The following SFMBT2 variants were observed in gnomAD, a reference collection of about 807,000 sequenced individuals.
SFMBT2 encodes scm-like with four MBT domains protein 2.
A neutral mutation model predicts 110.1 loss-of-function variants in SFMBT2; 38 were observed. That is an observed-to-expected ratio of 0.35 (90% confidence interval 0.27 to 0.45). The LOEUF is 0.45. Ranked by LOEUF, SFMBT2 falls within the 20% of genes least tolerant of loss-of-function variation. The pLI, the probability that SFMBT2 is intolerant of heterozygous loss-of-function variation, is 1.00. For missense variants in SFMBT2, 1,011 were observed against 1,094.9 expected (o/e 0.92, Z 1.08); for synonymous variants, 425 against 425.4 (o/e 1.00, Z 0.01).
intron 7 of SFMBT2, among the ~76,000 whole-genome samples, chr10:7,255,234 C>A (rs1027539872): frequency 1.4e-4 from 21 of 152,206 alleles, no homozygotes; most frequent in Middle Eastern, 3.4e-3. Flanking sequence ...TTCGCCAAAC[C>A]GATTATGTAC....
chr10:7,172,260 C>T lies in SFMBT2; in HGVS notation c.2152-102G>A. The T allele has an allele frequency of 6.8e-7, 1 of 1,467,676 alleles. No homozygotes were observed. The highest frequency in any genetic ancestry group is 9.0e-7 in the Non-Finnish European group (1 of 1,111,904). The allele number at this position is 1,467,676 out of a possible 1,614,324, so 90.9% of individuals were successfully genotyped here. ...GCCCAGTGCAGACCACCTAGCAAACCCTCGGAAATGGAGCCAGTGGTCCCA... is the reference window on the plus strand; with the variant it reads ...GCCCAGTGCAGACCACCTAGCAAACTCTCGGAAATGGAGCCAGTGGTCCCA... On this transcript the variant is annotated intron_variant, in intron 18 of 20. Coordinates refer to ENST00000397167, the MANE Select transcript of SFMBT2 (RefSeq NM_001387889.1). This position sits in a 1 kb window ranked among gnomAD's most constrained non-coding sequence, Gnocchi z 4.6.
At chr10:7,203,005 G>T (rs990975585) in intron 12 of SFMBT2, 2 of 985,332 alleles carry the variant, frequency 2.0e-6, no homozygotes, top group South Asian at 9.4e-5. Context: ...AAATACGCCT[G>T]GTCAAATATT....
At chr10:7,287,767 G>T (rs1453952386) in intron 4 of SFMBT2, among the ~76,000 whole-genome samples, 2 of 152,214 alleles carry the variant, frequency 1.3e-5, no homozygotes, top group African/African-American at 2.4e-5. Flanking sequence ...TAAAGCAGTG[G>T]AATTACTACA....
intron 9 of SFMBT2, chr10:7,241,382 C>A (rs940390284): frequency 2.1e-6 from 2 of 956,400 alleles, no homozygotes; most frequent in Non-Finnish European, 2.5e-6. Context: ...TACTAGCCAC[C>A]ATTACTCAAT....
At chr10:7,304,917 G>A (rs1368351937) in intron 4 of SFMBT2, among the ~76,000 whole-genome samples, 1 of 152,190 alleles carries the variant, frequency 6.6e-6, no homozygotes, top group Non-Finnish European at 1.5e-5. Flanking sequence ...CAGGACAGTT[G>A]CACCCCTGGG....
intron 15 of SFMBT2, among the ~76,000 whole-genome samples, chr10:7,191,916 T>G (rs1838611391): frequency 6.6e-6 from 1 of 152,218 alleles, no homozygotes; most frequent in African/African-American, 2.4e-5. Flanking sequence ...TCTACATGAA[T>G]GGAGGCTCAG....
intron 4 of SFMBT2, among the ~76,000 whole-genome samples, chr10:7,316,444 G>GC (rs1017996673): frequency 2.4e-4 from 36 of 152,278 alleles, no homozygotes; most frequent in Admixed American, 6.5e-4. Context: ...TCAGTGATGG[G>GC]CCCCGCCAGG....
chr10:7,246,086 A>C, intron 8 of SFMBT2: 1 of 926,784 alleles, frequency 1.1e-6, no homozygotes. Context: ...TAGGTTCTAA[A>C]AGACAGATGC....
intron 1 of SFMBT2, among the ~76,000 whole-genome samples, chr10:7,394,224 C>G (rs1292452501): frequency 6.6e-6 from 1 of 152,100 alleles, no homozygotes; most frequent in East Asian, 1.9e-4. Context: ...AGCAATCCAC[C>G]CACCAGCACG....
At chr10:7,360,792 C>T (rs1002692092) in intron 4 of SFMBT2, among the ~76,000 whole-genome samples, 29 of 152,200 alleles carry the variant, frequency 1.9e-4, no homozygotes, top group Non-Finnish European at 2.8e-4. Flanking sequence ...CACAGACTCT[C>T]TACTTGATCA....
intron 6 of SFMBT2, among the ~76,000 whole-genome samples, chr10:7,278,773 A>G (rs1283367690): frequency 6.6e-6 from 1 of 152,152 alleles, no homozygotes; most frequent in Non-Finnish European, 1.5e-5. Context: ...TGGTCTCTGA[A>G]TGGGGGAGGG....
intron 4 of SFMBT2, among the ~76,000 whole-genome samples, chr10:7,305,806 C>T (rs1842676518): frequency 6.6e-6 from 1 of 152,246 alleles, no homozygotes. Context: ...CCAATTTCTG[C>T]ACGTTTTGTG....
At chr10:7,397,196 G>A (rs1845950591) in intron 1 of SFMBT2, among the ~76,000 whole-genome samples, 1 of 152,052 alleles carries the variant, frequency 6.6e-6, no homozygotes, top group Non-Finnish European at 1.5e-5. Context: ...GTCCCCCCAG[G>A]CTCACTGCTG....
chr10:7,403,086 T>C (rs142809144), intron 1 of SFMBT2, among the ~76,000 whole-genome samples: 160 of 152,354 alleles, frequency 1.1e-3, no homozygotes, highest in African/African-American at 3.6e-3. Flanking sequence ...GTAAACAACA[T>C]TGTGTCCTAA....
intron 4 of SFMBT2, among the ~76,000 whole-genome samples, chr10:7,344,673 T>G (rs1340314638): frequency 2.0e-5 from 3 of 152,082 alleles, no homozygotes; most frequent in Non-Finnish European, 4.4e-5. Context: ...TCCCTATTTT[T>G]TAAGAGCTAT....
chr10:7,234,217 C>A (rs908037064), intron 9 of SFMBT2, among the ~76,000 whole-genome samples: 2 of 151,926 alleles, frequency 1.3e-5, no homozygotes, highest in Non-Finnish European at 2.9e-5. Flanking sequence ...AGGAAAAAAA[C>A]AAACAAACAA....
intron 7 of SFMBT2, among the ~76,000 whole-genome samples, chr10:7,250,074 G>C (rs2131736664): frequency 6.6e-6 from 1 of 152,320 alleles, no homozygotes; most frequent in East Asian, 1.9e-4. Context: ...ATTAGGTGCA[G>C]GTGATGATGT....
chr10:7,273,336 A>G (rs1841661434), intron 7 of SFMBT2, among the ~76,000 whole-genome samples: 1 of 152,118 alleles, frequency 6.6e-6, no homozygotes, highest in African/African-American at 2.4e-5. Flanking sequence ...GTTGGGTCCT[A>G]CTCCTGGTCC....
At chr10:7,197,351 G>T (rs1054493361) in intron 15 of SFMBT2, among the ~76,000 whole-genome samples, 197 bp downstream of exon 15, 5 of 152,076 alleles carry the variant, frequency 3.3e-5, no homozygotes, top group Non-Finnish European at 7.4e-5. Context: ...CTCTAGATGG[G>T]GAGCCTTTCA....
Sources: allele counts gnomAD v4.1 joint callset (sites outside exome capture counted in the v4.1 genomes callset), GRCh38; gene constraint gnomAD v4.1.1; non-coding constraint Gnocchi (gnomAD v3.1); transcripts MANE v1.5; gene names NCBI Gene and HGNC (gene_info 2026-07-23, HGNC 2026-07-21).